Variants in PAX7 observed in about 807,000 individuals in gnomAD.
PAX7 encodes paired box protein Pax-7.
PAX7 carries 18 observed loss-of-function variants against 50.7 expected under a neutral mutation model. That is an observed-to-expected ratio of 0.36 (90% confidence interval 0.25 to 0.53). The LOEUF (loss-of-function observed/expected upper bound fraction) is 0.53, where lower values mean the gene tolerates loss of function less well. PAX7 is among the 20% of genes least tolerant of loss of function. The pLI is 0.93. For missense variants in PAX7, 644 were observed against 702.9 expected, an observed-to-expected ratio of 0.92 and a Z score of 0.95; for synonymous variants, 310 against 290.4, an observed-to-expected ratio of 1.07 and a Z score of -0.69.
At chr1:18,649,114 C>A (rs2088392671) in intron 4 of PAX7, among the ~76,000 whole-genome samples, 1 of 152,110 alleles carries the variant, frequency 6.6e-6, no homozygotes, top group Non-Finnish European at 1.5e-5. Flanking sequence ...GGTCATCTGG[C>A]CATTTTACAG....
intron 7 of PAX7, among the ~76,000 whole-genome samples, chr1:18,705,751 C>T (rs1168153832): frequency 6.6e-6 from 1 of 152,200 alleles, no homozygotes; most frequent in African/African-American, 2.4e-5. Flanking sequence ...TGTTTTCCAT[C>T]CTCTCCTGGA....
At position 18,653,074 on chromosome 1, in the gene PAX7, A is replaced by G. The variant is rs2088457714; in HGVS notation, c.586+16703A>G. On this transcript the variant is annotated intron_variant, in intron 4 of 8. Transcript: ENST00000420770. Reference sequence around the variant, plus strand: ...CAGGCACTGACTTTGGAATACCCTCAGCTGATTCACAGGGTCCTTTGTCCT... The same window carrying G: ...CAGGCACTGACTTTGGAATACCCTCGGCTGATTCACAGGGTCCTTTGTCCT... Among the ~76,000 whole-genome samples, 4 of 152,192 alleles carry G rather than the reference A, an allele frequency of 2.6e-5. No homozygotes were observed. The South Asian group carries it at 8.3e-4, about 32-fold the overall frequency.
intron 4 of PAX7, among the ~76,000 whole-genome samples, chr1:18,678,298 C>G (rs191963396): frequency 6.6e-6 from 1 of 152,124 alleles, no homozygotes; most frequent in Non-Finnish European, 1.5e-5. Flanking sequence ...ACTCAAGAGG[C>G]TGAGACAGGA....
Position 18,748,501 on chromosome 1 carries a change from G to C in PAX7, c.*3572G>C, listed in dbSNP as rs1014160408. The C allele has an allele frequency of 8.6e-6, 2 of 231,942 alleles. No homozygotes were observed. The highest frequency in any genetic ancestry group is 4.4e-5 in the African/African-American group (2 of 45,366). The allele number at this position is 231,942 out of a possible 1,614,324, so 14.4% of individuals were successfully genotyped here. On this transcript the variant is annotated 3_prime_UTR_variant, in exon 9 of 9. Coordinates refer to ENST00000420770, the MANE Select transcript of PAX7 (RefSeq NM_001135254.2). ...CAACTTGAAACGCTCTGAGACTTCT[G>C]TGTATTTGATGCTTCTTCAAGTCAG... is the stretch of plus-strand genomic sequence containing the variant.
chr1:18,693,942 A>T (rs548878037), intron 5 of PAX7, among the ~76,000 whole-genome samples: 2 of 152,258 alleles, frequency 1.3e-5, no homozygotes, highest in South Asian at 4.1e-4. Flanking sequence ...CTGGGAATGG[A>T]GAGGCAGCCG....
intron 4 of PAX7, among the ~76,000 whole-genome samples, chr1:18,640,492 A>T (rs1399411298): frequency 1.3e-5 from 2 of 151,076 alleles, no homozygotes; most frequent in East Asian, 3.9e-4. Flanking sequence ...GCGGAGAGGG[A>T]CAGGAGCCTT....
intron 4 of PAX7, among the ~76,000 whole-genome samples, chr1:18,653,099 T>C (rs894156960): frequency 3.3e-5 from 5 of 152,186 alleles, no homozygotes; most frequent in African/African-American, 4.8e-5. Context: ...TCCTTTGTCC[T>C]GGGGAATGGC....
chr1:18,742,468 C>A (rs1407569825), intron 8 of PAX7, among the ~76,000 whole-genome samples: 1 of 152,162 alleles, frequency 6.6e-6, no homozygotes, highest in Non-Finnish European at 1.5e-5. Flanking sequence ...AATGAGGCTT[C>A]TTAATGGGAT....
At chr1:18,705,324 A>G (rs567324959) in intron 7 of PAX7, among the ~76,000 whole-genome samples, 1 of 152,194 alleles carries the variant, frequency 6.6e-6, no homozygotes, top group Non-Finnish European at 1.5e-5. Flanking sequence ...CTGGGGGAGG[A>G]CACTGCCGAG....
chr1:18,667,430 G>GGAAA (rs970618080), intron 4 of PAX7, among the ~76,000 whole-genome samples: 5 of 151,048 alleles, frequency 3.3e-5, no homozygotes, highest in African/African-American at 7.3e-5. Context: ...AAGGAAGGAA[G>GGAAA]GAAGGAAGGA....
chr1:18,660,116 T>C (rs1000675839), intron 4 of PAX7, among the ~76,000 whole-genome samples: 3 of 152,074 alleles, frequency 2.0e-5, no homozygotes, highest in South Asian at 4.1e-4. Flanking sequence ...CGCTCCCAAA[T>C]TGGAGCCTCT....
intron 7 of PAX7, among the ~76,000 whole-genome samples, chr1:18,723,027 A>G (rs2089513787): frequency 6.6e-6 from 1 of 152,160 alleles, no homozygotes; most frequent in African/African-American, 2.4e-5. Context: ...GCTCTTGCAG[A>G]CTTCATAGTC....
chr1:18,653,994 C>A (rs1035213570), intron 4 of PAX7, among the ~76,000 whole-genome samples: 3 of 152,142 alleles, frequency 2.0e-5, no homozygotes, highest in Admixed American at 2.0e-4. Context: ...GGCCCCCAGC[C>A]CAGCCCTGTC....
At chr1:18,715,841 G>C (rs1041396690) in intron 7 of PAX7, among the ~76,000 whole-genome samples, 7 of 152,258 alleles carry the variant, frequency 4.6e-5, no homozygotes, top group Middle Eastern at 3.4e-3. Context: ...TGCCACCAGG[G>C]GCCAAGGTCA....
intron 7 of PAX7, among the ~76,000 whole-genome samples, chr1:18,734,441 C>A (rs1283180748): frequency 1.3e-5 from 2 of 151,954 alleles, no homozygotes; most frequent in African/African-American, 4.8e-5. Flanking sequence ...GGACACTGTG[C>A]CCTCTCTCTC....
At chr1:18,681,021 G>C (rs980426021) in intron 4 of PAX7, among the ~76,000 whole-genome samples, 1 of 151,976 alleles carries the variant, frequency 6.6e-6, no homozygotes, top group African/African-American at 2.4e-5. Flanking sequence ...TACAAAGTTA[G>C]CCAGGCATGG....
chr1:18,702,965 G>A (rs969551944), intron 6 of PAX7, 129 bp from the exon 7 acceptor site: 2 of 819,218 alleles, frequency 2.4e-6, no homozygotes, highest in South Asian at 1.7e-5. Context: ...GGTAGCATGA[G>A]AGGGTGGTCC....
At chr1:18,701,226 G>A (rs1421459161) in intron 6 of PAX7, among the ~76,000 whole-genome samples, 1 of 152,210 alleles carries the variant, frequency 6.6e-6, no homozygotes, top group Non-Finnish European at 1.5e-5. Context: ...TGGAGGGAAA[G>A]GAACGGATTC....
chr1:18,747,067 G>T lies in PAX7; in HGVS notation c.*2138G>T, dbSNP rs1931473104. 4.4e-6 allele frequency: 1 copy of T among 229,482 alleles called. No homozygotes were observed. Among genetic ancestry groups the T allele is most frequent in the African/African-American group, 2.2e-5 (1 of 45,216 alleles). The allele number at this position is 229,482 out of a possible 1,614,324, so 14.2% of individuals were successfully genotyped here. A position where few individuals can be genotyped will look rare whatever the true frequency, so the allele number is the denominator to read the frequency against. ...AGTCCCTGCTTTTGTAGCTATCACA[G>T]CAGAAAGCAACTCTTCCTGAAGACC... On this transcript the variant is annotated 3_prime_UTR_variant, in exon 9 of 9. Coordinates refer to ENST00000420770, the MANE Select transcript of PAX7 (RefSeq NM_001135254.2).
Sources: gnomAD v4.1 joint callset for allele counts (sites outside exome capture counted in the v4.1 genomes callset) on GRCh38, gnomAD v4.1.1 for gene constraint, MANE v1.5 for transcripts, NCBI Gene and HGNC (gene_info 2026-07-23, HGNC 2026-07-21) for gene names.